Variants in AUTS2 observed in about 807,000 individuals in gnomAD.
AUTS2 encodes activator of transcription and developmental regulator AUTS2, also known as autism susceptibility gene 2 protein.
A neutral mutation model predicts 112.4 loss-of-function variants in AUTS2; 17 were observed. That is an observed-to-expected ratio of 0.15 (90% CI 0.10 to 0.23). The LOEUF (loss-of-function observed/expected upper bound fraction) is 0.23. AUTS2 is among the 10% of genes least tolerant of loss of function. The pLI is 1.00. For synonymous variants in AUTS2, 751 were observed against 702.7 expected (o/e 1.07, Z -1.09); for missense variants, 1,510 against 1,701.6 (o/e 0.89, Z 1.98).
At chr7:70,029,642 GT>G (rs1278186828) in intron 2 of AUTS2, among the ~76,000 whole-genome samples, 4 of 152,178 alleles carry the variant, frequency 2.6e-5, no homozygotes, top group Admixed American at 1.3e-4. Flanking sequence ...ATACTTTGCG[GT>G]TGTCATATAG....
intron 4 of AUTS2, among the ~76,000 whole-genome samples, chr7:70,258,284 G>A (rs1006717120): frequency 6.6e-6 from 1 of 152,202 alleles, no homozygotes; most frequent in Non-Finnish European, 1.5e-5. Context: ...GGGCATCTAA[G>A]AGGAACTGTG....
At chr7:70,054,184 T>G (rs1302645091) in intron 2 of AUTS2, among the ~76,000 whole-genome samples, 1 of 152,138 alleles carries the variant, frequency 6.6e-6, no homozygotes, top group South Asian at 2.1e-4. Flanking sequence ...AAATTTAAAT[T>G]TGCATAGCCA....
intron 4 of AUTS2, among the ~76,000 whole-genome samples, chr7:70,262,252 C>T (rs907939054): frequency 2.0e-5 from 3 of 151,994 alleles, no homozygotes; most frequent in Non-Finnish European, 4.4e-5. Flanking sequence ...TGCAGTGGTG[C>T]GATCTTGGCT....
At chr7:69,793,117 T>C (rs146762786) in intron 1 of AUTS2, among the ~76,000 whole-genome samples, 1 of 152,292 alleles carries the variant, frequency 6.6e-6, no homozygotes, top group African/African-American at 2.4e-5. Context: ...CTTTACCCAC[T>C]ATTACAGATA....
In AUTS2 at chr7:70,694,771, C is replaced by G. The variant is rs1380637363; in HGVS notation, c.691-3798C>G. The G allele has an allele frequency of 6.7e-6, 1 of 149,444 alleles. No homozygotes were observed. Among genetic ancestry groups the G allele is most frequent in the South Asian group, 2.1e-4 (1 of 4,814 alleles). The allele number at this position is 149,444 out of a possible 1,614,324, so 9.3% of individuals were successfully genotyped here. On this transcript the variant is annotated intron_variant, in intron 5 of 18. Coordinates refer to ENST00000342771, the MANE Select transcript of AUTS2 (RefSeq NM_015570.4). The surrounding 1 kb of genome is among the most constrained non-coding windows in gnomAD (Gnocchi z 4.1). The stretch of plus-strand genomic sequence containing the variant: ...GCGCTCCTCCCGCCGCCCGGGGCCT[C>G]GGCCGCGCTGGATGTGTGCGCGCGG...
chr7:69,607,181 A>T (rs2129074678), intron 1 of AUTS2, among the ~76,000 whole-genome samples: 1 of 152,254 alleles, frequency 6.6e-6, no homozygotes, highest in Admixed American at 6.5e-5. Context: ...CTCTGATTCC[A>T]TCCATTGCAA....
Position 70,766,308 on chromosome 7 carries a change from A to G in AUTS2, c.1663A>G (p.Ile555Val), listed in dbSNP as rs769402743. 6.2e-7 allele frequency: 1 copy of G among 1,613,898 alleles called. No individual in the cohort carries two copies. Among genetic ancestry groups the G allele is most frequent in the Admixed American group, 1.7e-5 (1 of 59,994 alleles). ...PFPHAIPPTAIMPTPAPPMFD... is the reference protein window; with the variant it reads ...PFPHAIPPTAVMPTPAPPMFD... ...CCCCCACGCCATCCCACCCACCGCC[A>G]TCATGCCGACGCCAGCACCTCCCAT... Residue 555 changes from isoleucine to valine, a missense_variant, in exon 9 of 19, where the codon ATC becomes GTC. Coordinates refer to ENST00000342771, the MANE Select transcript of AUTS2 (RefSeq NM_015570.4). The surrounding 1 kb of genome is among the most constrained non-coding windows in gnomAD (Gnocchi z 4.8).
At chr7:69,657,612 A>G (rs1159822655) in intron 1 of AUTS2, among the ~76,000 whole-genome samples, 1 of 152,232 alleles carries the variant, frequency 6.6e-6, no homozygotes, top group Admixed American at 6.5e-5. Context: ...GCGTTCTGAT[A>G]AAGCCTGAGC....
intron 4 of AUTS2, among the ~76,000 whole-genome samples, chr7:70,175,810 A>T (rs1808956024): frequency 6.6e-6 from 1 of 152,242 alleles, no homozygotes; most frequent in Non-Finnish European, 1.5e-5. Flanking sequence ...TATTATACAC[A>T]TATAGCCTAA....
At chr7:70,314,993 A>C (rs1789929839) in intron 4 of AUTS2, among the ~76,000 whole-genome samples, 1 of 152,186 alleles carries the variant, frequency 6.6e-6, no homozygotes, top group Non-Finnish European at 1.5e-5. Context: ...TCCATCCCTC[A>C]AGGTCAAAGA....
chr7:69,851,926 TAAAC>T (rs1215596344), intron 1 of AUTS2, among the ~76,000 whole-genome samples: 1 of 152,216 alleles, frequency 6.6e-6, no homozygotes, highest in Non-Finnish European at 1.5e-5. Context: ...ATGTCATCTA[TAAAC>T]AGGGACAGTT....
At chr7:70,728,717 A>G (rs1160751341) in intron 6 of AUTS2, among the ~76,000 whole-genome samples, 2 of 151,460 alleles carry the variant, frequency 1.3e-5, no homozygotes, top group African/African-American at 2.4e-5. Context: ...CAAAAAAAAA[A>G]AAAAAAAAAA....
At chr7:70,340,163 AAC>A (rs71077652) in intron 4 of AUTS2, among the ~76,000 whole-genome samples, 301 of 144,066 alleles carry the variant, frequency 2.1e-3, no homozygotes, top group Middle Eastern at 6.9e-3. Context: ...TATGGAGAGA[AAC>A]ACACACACAC....
At chr7:69,876,228 G>A (rs1421247044) in intron 1 of AUTS2, among the ~76,000 whole-genome samples, 1 of 146,570 alleles carries the variant, frequency 6.8e-6, no homozygotes, top group African/African-American at 2.5e-5. Context: ...TTAGCTGGGT[G>A]TGGTGGCGTG....
In AUTS2 at chr7:69,653,805, C is replaced by T. The variant is rs188748000; in HGVS notation, c.309+53843C>T. ...TCCTTTACTTCTATGTCCTCTCTGA[C>T]CTGAGGCTCACCCTGCCTGCCACCT... On this transcript the variant is annotated intron_variant, in intron 1 of 18. Transcript: ENST00000342771. Among the ~76,000 whole-genome samples, 596 of 152,254 alleles carry T rather than the reference C, an allele frequency of 3.9e-3. 4 individuals are homozygous for T. The highest frequency in any genetic ancestry group is 0.011 in the South Asian group (54 of 4,820).
In AUTS2 at chr7:69,615,752, C is replaced by T. The variant is rs374753273; in HGVS notation, c.309+15790C>T. Among the ~76,000 whole-genome samples, 18 of 152,262 alleles carry T rather than the reference C, an allele frequency of 1.2e-4. No individual in the cohort carries two copies. The East Asian group carries it at 3.3e-3, about 28-fold the overall frequency. On this transcript the variant is annotated intron_variant, in intron 1 of 18. Transcript: ENST00000342771. ...GAAATTACATTGTTGAAATACAGCC[C>T]ATATGGCCATTGTAAAATGGTTAGT... is the stretch of plus-strand genomic sequence containing the variant.
At chr7:70,170,898 C>T (rs1808647456) in intron 4 of AUTS2, among the ~76,000 whole-genome samples, 8 of 152,208 alleles carry the variant, frequency 5.3e-5, no homozygotes, top group African/African-American at 1.4e-4. Flanking sequence ...GAGCCACCGC[C>T]CCCGGCCGGG....
rs1462507578 is a variant in AUTS2, at chr7:70,363,483, AAT to A, written c.661-72268_661-72267del. Among the ~76,000 whole-genome samples, 6 of 150,740 alleles carry A rather than the reference AAT, an allele frequency of 4.0e-5. No individual in the cohort carries two copies. In the South Asian group the frequency reaches 8.5e-4, roughly 21 times the overall value. On this transcript the variant is annotated intron_variant, in intron 4 of 18. Coordinates refer to ENST00000342771, the MANE Select transcript of AUTS2 (RefSeq NM_015570.4). ...AAAAAAAGAAAAAAAAAAAAAAAAA[AAT>A]CTGAAGCTATTGATAGTCTTATTTT...
intron 2 of AUTS2, among the ~76,000 whole-genome samples, chr7:69,911,279 A>G (rs1584428837): frequency 6.6e-6 from 1 of 152,144 alleles, no homozygotes; most frequent in Non-Finnish European, 1.5e-5. Flanking sequence ...GAGGGCAACA[A>G]GGTGGCACCC....
Sources: gnomAD v4.1 joint callset for allele counts (sites outside exome capture counted in the v4.1 genomes callset) on GRCh38, gnomAD v4.1.1 for gene constraint, Gnocchi (gnomAD v3.1) non-coding constraint, MANE v1.5 for transcripts, NCBI Gene and HGNC (gene_info 2026-07-23, HGNC 2026-07-21) for gene names.